The following PCDHGA12 variants were observed in gnomAD, a reference collection of about 807,000 sequenced individuals.
The protein encoded by PCDHGA12 is protocadherin gamma-A12.
In PCDHGA12, 43 loss-of-function variants were observed where a neutral mutation model predicts 61.1. The observed-to-expected ratio is 0.70, with a 90% confidence interval of 0.55 to 0.91. The LOEUF (loss-of-function observed/expected upper bound fraction) is 0.91. Among genes scored for constraint, PCDHGA12 ranks in the 40% least tolerant of loss-of-function variants. The probability of loss-of-function intolerance (pLI) is 0.00; values close to 1 mark genes in which losing one functional copy is unlikely to be tolerated. For missense variants in PCDHGA12, 1,236 were observed against 1,227.7 expected (o/e 1.01, Z -0.10); for synonymous variants, 520 against 542.9 (o/e 0.96, Z 0.59).
rs1458508114 is a variant in PCDHGA12, at chr5:141,489,523, C to T, written c.2425-5284C>T. ...GAATCAAAAGATTGACCGAGAAAGC[C>T]TATGTGGAGCCAGCACCAGCTGCCT... On this transcript the variant is annotated intron_variant, in intron 1 of 3. Transcript: ENST00000252085. This position sits in a 1 kb window ranked among gnomAD's most constrained non-coding sequence, Gnocchi z 4.5. The T allele has an allele frequency of 3.5e-5, 56 of 1,614,006 alleles. No homozygotes were observed. The highest frequency in any genetic ancestry group is 4.5e-5 in the Non-Finnish European group (53 of 1,180,044).
At chr5:141,473,229 T>G (rs891825934) in intron 1 of PCDHGA12, among the ~76,000 whole-genome samples, 8 of 152,160 alleles carry the variant, frequency 5.3e-5, no homozygotes, top group Admixed American at 1.3e-4. Context: ...GGAGATTGGA[T>G]CCACACAAGT....
At chr5:141,492,402 C>A (rs1254310448) in intron 1 of PCDHGA12, among the ~76,000 whole-genome samples, 1 of 152,232 alleles carries the variant, frequency 6.6e-6, no homozygotes, top group African/African-American at 2.4e-5. Flanking sequence ...TCGCAGCTCC[C>A]CTCTGCCGCT....
rs1229317913 is a variant in PCDHGA12 at position 141,489,752 on chromosome 5, C to T, written c.2425-5055C>T. ...GGCACCAATACTGTGAGCTTTTACACTCTAAGCCCCAACAGCCACTTCTCT... is the reference window on the plus strand; with the variant it reads ...GGCACCAATACTGTGAGCTTTTACATTCTAAGCCCCAACAGCCACTTCTCT... On this transcript the variant is annotated intron_variant, in intron 1 of 3. Transcript: ENST00000252085. The surrounding 1 kb of genome is among the most constrained non-coding windows in gnomAD (Gnocchi z 4.5). 1.2e-6 allele frequency: 2 copies of T among 1,614,018 alleles called. No individual in the cohort carries two copies. Among genetic ancestry groups the T allele is most frequent in the Non-Finnish European group, 1.7e-6 (2 of 1,179,980 alleles).
rs1376069004 is a variant in PCDHGA12 at position 141,457,869 on chromosome 5, G to T, written c.2424+24686G>T. On this transcript the variant is annotated intron_variant, in intron 1 of 3. Transcript: ENST00000252085. ...AAGTGACATTCTTCACTGACCACAG[G>T]TTAGGAACCCTGTGTGGGGACTGTG... 2.0e-5 allele frequency among the ~76,000 whole-genome samples: 3 copies of T among 152,334 alleles called. No individual in the cohort carries two copies. The East Asian group carries it at 5.8e-4, about 29-fold the overall frequency.
In PCDHGA12 at chr5:141,432,704, C is replaced by T; in HGVS notation, c.1945C>T (p.His649Tyr). ...GAGCCTCGTAGTGGCCGTCCAGGAC[C>T]ACGGCCAGCCCCCTCTCTCCGCCAC... is the stretch of plus-strand genomic sequence containing the variant. The part of the protein sequence containing the change: ...KQSLVVAVQD[H>Y]GQPPLSATVT... Residue 649 changes from histidine (H) to tyrosine (Y), a missense_variant, in exon 1 of 4, where the codon CAC becomes TAC. His to Tyr is a moderately conservative substitution (Grantham distance 83, BLOSUM62 2). Coordinates refer to ENST00000252085, the MANE Select transcript of PCDHGA12 (RefSeq NM_003735.3). The surrounding 1 kb of genome is among the most constrained non-coding windows in gnomAD (Gnocchi z 6.0). The T allele has an allele frequency of 6.2e-7, 1 of 1,613,966 alleles. No homozygotes were observed. The highest frequency in any genetic ancestry group is 8.5e-7 in the Non-Finnish European group (1 of 1,179,976).
chr5:141,431,506 G>T lies in PCDHGA12; in HGVS notation c.747G>T (p.Ala249=). 1.2e-6 allele frequency: 2 copies of T among 1,613,988 alleles called. No homozygotes were observed. Among genetic ancestry groups the T allele is most frequent in the South Asian group, 2.2e-5 (2 of 91,084 alleles). The stretch of plus-strand genomic sequence containing the variant: ...CGTTTGCTCAGCCCGAGTACCGCGC[G>T]AGCGTTCCGGAGAATCTGGCCTTGG... The part of the protein sequence containing the change: ...APAFAQPEYR[A]SVPENLALGT... Residue 249 remains alanine (A), a synonymous_variant, in exon 1 of 4, where the codon GCG becomes GCT. Coordinates refer to ENST00000252085, the MANE Select transcript of PCDHGA12 (RefSeq NM_003735.3). This position sits in a 1 kb window ranked among gnomAD's most constrained non-coding sequence, Gnocchi z 4.8.
chr5:141,454,917 C>T (rs1185153715), intron 1 of PCDHGA12, among the ~76,000 whole-genome samples: 1 of 149,330 alleles, frequency 6.7e-6, no homozygotes, highest in Non-Finnish European at 1.5e-5. Flanking sequence ...ACGCCATTCT[C>T]CTGCCTCAGC....
At chr5:141,458,289 T>G (rs2154566205) in intron 1 of PCDHGA12, among the ~76,000 whole-genome samples, 1 of 152,280 alleles carries the variant, frequency 6.6e-6, no homozygotes, top group African/African-American at 2.4e-5. Flanking sequence ...CTGGTCCTCA[T>G]GCTGGTTTAG....
chr5:141,472,579 G>T (rs1172183592), intron 1 of PCDHGA12, among the ~76,000 whole-genome samples: 3 of 151,928 alleles, frequency 2.0e-5, no homozygotes, highest in Non-Finnish European at 4.4e-5. Context: ...GCATCTCATT[G>T]GTCAGAAGCT....
In PCDHGA12 at chr5:141,489,242, TG is replaced by T; in HGVS notation, c.2425-5561del. 6.5e-7 allele frequency: 1 copy of T among 1,534,498 alleles called. No homozygotes were observed. The highest frequency in any genetic ancestry group is 2.3e-5 in the East Asian group (1 of 44,312). On this transcript the variant is annotated intron_variant, in intron 1 of 3. Transcript: ENST00000252085. The surrounding 1 kb of genome is among the most constrained non-coding windows in gnomAD (Gnocchi z 4.5). ...TCTCCACAAAGGGACTTCTGGGTCA[TG>T]GGGCCCAAGACACTCCCACAGCTCG...
chr5:141,439,056 T>C (rs2098084461), intron 1 of PCDHGA12, among the ~76,000 whole-genome samples: 1 of 151,260 alleles, frequency 6.6e-6, no homozygotes, highest in Non-Finnish European at 1.5e-5. Flanking sequence ...TTCCATATTG[T>C]GTGGCAGGCG....
intron 1 of PCDHGA12, among the ~76,000 whole-genome samples, chr5:141,451,302 G>T (rs1445994098): frequency 6.6e-6 from 1 of 152,208 alleles, no homozygotes; most frequent in Non-Finnish European, 1.5e-5. Context: ...GTCTTACAAG[G>T]CAGCAATTAA....
intron 1 of PCDHGA12, chr5:141,441,855 G>T (rs1210416963): frequency 2.8e-6 from 1 of 351,872 alleles, no homozygotes; most frequent in Admixed American, 4.0e-5. Context: ...ATATGGTGCT[G>T]CACGCCGCGG....
chr5:141,485,172 CA>C lies in PCDHGA12; in HGVS notation c.2425-9633del. 6.2e-7 allele frequency: 1 copy of C among 1,610,166 alleles called. No individual in the cohort carries two copies. Among genetic ancestry groups the C allele is most frequent in the Non-Finnish European group, 8.5e-7 (1 of 1,176,940 alleles). On this transcript the variant is annotated intron_variant, in intron 1 of 3. Coordinates refer to ENST00000252085, the MANE Select transcript of PCDHGA12 (RefSeq NM_003735.3). The surrounding 1 kb of genome is among the most constrained non-coding windows in gnomAD (Gnocchi z 5.7). ...CAAGTAGAGAATTAGCGGGCGGCAG[CA>C]ATGCTCCGCAAGGTGAGAAGCTGGA...
At chr5:141,468,487 G>A (rs945439990) in intron 1 of PCDHGA12, 6 of 152,110 alleles carry the variant, frequency 3.9e-5, no homozygotes, top group African/African-American at 1.4e-4. Context: ...TAGGTCTCAT[G>A]GAAGATTTTC....
At chr5:141,472,980 C>CAAAAAAAA (rs60579131) in intron 1 of PCDHGA12, among the ~76,000 whole-genome samples, 7 of 86,098 alleles carry the variant, frequency 8.1e-5, no homozygotes, top group Admixed American at 1.2e-4. Context: ...GAGTGAAACT[C>CAAAAAAAA]AAAAAAAAAA....
At position 141,476,761 on chromosome 5, in the gene PCDHGA12, G is replaced by C. The variant is rs1293828206; in HGVS notation, c.2425-18046G>C. ...AGCCTAGTCTCCAGTTAGTGCTGAC[G>C]GCGTTGGACGGAGGGACCCCAGCTC... On this transcript the variant is annotated intron_variant, in intron 1 of 3. Transcript: ENST00000252085. This position sits in a 1 kb window ranked among gnomAD's most constrained non-coding sequence, Gnocchi z 7.6. 6.2e-7 allele frequency: 1 copy of C among 1,613,734 alleles called. No individual in the cohort carries two copies. Among genetic ancestry groups the C allele is most frequent in the East Asian group, 2.2e-5 (1 of 44,884 alleles).
intron 1 of PCDHGA12, among the ~76,000 whole-genome samples, chr5:141,470,694 ATAATTT>A (rs2099236876): frequency 6.6e-6 from 1 of 151,978 alleles, no homozygotes; most frequent in African/African-American, 2.4e-5. Context: ...GAAATTCTTA[ATAATTT>A]TTATTTTATT....
chr5:141,449,708 AT>A (rs2098652573), intron 1 of PCDHGA12, among the ~76,000 whole-genome samples: 1 of 151,520 alleles, frequency 6.6e-6, no homozygotes. Context: ...CAAACACATT[AT>A]TTTTATATGA....
Sources: gnomAD v4.1 joint callset for allele counts (sites outside exome capture counted in the v4.1 genomes callset) on GRCh38, gnomAD v4.1.1 for gene constraint, Gnocchi (gnomAD v3.1) non-coding constraint, MANE v1.5 for transcripts, NCBI Gene and HGNC (gene_info 2026-07-23, HGNC 2026-07-21) for gene names.